Variants in LRRC4C observed in about 807,000 individuals in gnomAD.
LRRC4C encodes the protein leucine-rich repeat-containing protein 4C.
A neutral mutation model predicts 33.6 loss-of-function variants in LRRC4C; 5 were observed. The ratio of observed to expected loss-of-function variants is 0.15; its 90% CI spans 0.08 to 0.31. LRRC4C has a LOEUF of 0.31. LRRC4C is among the 10% of genes least tolerant of loss of function. LRRC4C has a pLI of 1.00. For synonymous variants in LRRC4C, 329 were observed against 302.0 expected, an observed-to-expected ratio of 1.09 and a Z score of -0.93; for missense variants, 560 against 796.7, an observed-to-expected ratio of 0.70 and a Z score of 3.58.
chr11:40,462,549 A>T (rs1952450346), intron 3 of LRRC4C, among the ~76,000 whole-genome samples: 2 of 152,146 alleles, frequency 1.3e-5, no homozygotes, highest in Non-Finnish European at 2.9e-5. Flanking sequence ...ACCTATTGAG[A>T]TAAGAAGACA....
chr11:40,582,345 T>C (rs941716260), intron 3 of LRRC4C, among the ~76,000 whole-genome samples: 4 of 152,066 alleles, frequency 2.6e-5, no homozygotes, highest in African/African-American at 9.7e-5. Context: ...CTAAACAATA[T>C]TTTTTTCTAT....
intron 2 of LRRC4C, among the ~76,000 whole-genome samples, chr11:40,711,135 C>T (rs1170362357): frequency 6.6e-6 from 1 of 152,210 alleles, no homozygotes; most frequent in East Asian, 1.9e-4. Flanking sequence ...AATCCCCCGA[C>T]CCCTTTCGCT....
At chr11:40,688,468 T>G (rs560154598) in intron 2 of LRRC4C, among the ~76,000 whole-genome samples, 3 of 152,256 alleles carry the variant, frequency 2.0e-5, no homozygotes, top group African/African-American at 7.2e-5. Context: ...CCAAAAATAT[T>G]TACTGAATTA....
At chr11:41,337,881 T>G (rs1951506281) in intron 1 of LRRC4C, among the ~76,000 whole-genome samples, 1 of 152,008 alleles carries the variant, frequency 6.6e-6, no homozygotes, top group African/African-American at 2.4e-5. Flanking sequence ...GCAAAGTATA[T>G]GAACAGACAC....
intron 3 of LRRC4C, among the ~76,000 whole-genome samples, chr11:40,575,401 AAG>A (rs1958151971): frequency 1.3e-5 from 2 of 152,166 alleles, no homozygotes; most frequent in Admixed American, 1.3e-4. Flanking sequence ...GAAAAAAAAA[AAG>A]CTTTCCTGAG....
At chr11:40,269,369 T>A (rs79963970) in intron 4 of LRRC4C, among the ~76,000 whole-genome samples, 19,938 of 152,154 alleles carry the variant, frequency 0.13, 2,308 homozygotes, top group African/African-American at 0.31. Context: ...TTTAATGATA[T>A]CAGAATGAAG....
At chr11:40,891,264 AAACAACAAC>A (rs749151549) in intron 2 of LRRC4C, among the ~76,000 whole-genome samples, 26 of 152,050 alleles carry the variant, frequency 1.7e-4, no homozygotes, top group Non-Finnish European at 3.1e-4. Context: ...AAACAAAATC[AAACAACAAC>A]AACAACAACG....
Position 40,426,863 on chromosome 11 carries a change from C to A in LRRC4C, c.-269-107142G>T, listed in dbSNP as rs556042451. Among the ~76,000 whole-genome samples, 49 of 152,308 alleles carry A rather than the reference C, an allele frequency of 3.2e-4. 1 individual carries two copies. The South Asian group carries it at 9.9e-3, about 31-fold the overall frequency. On this transcript the variant is annotated intron_variant, in intron 3 of 6. Transcript: ENST00000528697. ...TGAAAGACCTTCTTTCCGTTTCCGACCTGTACTGACTCAAATCTCACTCCA... is the reference window on the plus strand; with the variant it reads ...TGAAAGACCTTCTTTCCGTTTCCGAACTGTACTGACTCAAATCTCACTCCA...
At chr11:41,024,692 T>C (rs1856219938) in intron 1 of LRRC4C, among the ~76,000 whole-genome samples, 1 of 151,698 alleles carries the variant, frequency 6.6e-6, no homozygotes, top group African/African-American at 2.4e-5. Flanking sequence ...TTATGTTTCA[T>C]TTCAGTAAAC....
intron 4 of LRRC4C, among the ~76,000 whole-genome samples, chr11:40,264,253 G>A (rs909704097): frequency 2.0e-5 from 3 of 152,128 alleles, no homozygotes; most frequent in South Asian, 4.1e-4. Flanking sequence ...TACCTCCAGT[G>A]CACACAAACA....
intron 1 of LRRC4C, 36 bp from the exon 2 acceptor site, chr11:40,933,759 T>C (rs1957740355): frequency 6.6e-6 from 1 of 152,166 alleles, no homozygotes; most frequent in Non-Finnish European, 1.5e-5. Context: ...TGGCATTACA[T>C]TTAAGAAAGT....
intron 1 of LRRC4C, among the ~76,000 whole-genome samples, chr11:41,307,709 G>A (rs900370816): frequency 7.2e-5 from 11 of 152,112 alleles, no homozygotes; most frequent in African/African-American, 2.2e-4. Flanking sequence ...CTTTTCCCAC[G>A]TGCATCTTAA....
At chr11:40,824,164 G>A (rs371174785) in intron 2 of LRRC4C, among the ~76,000 whole-genome samples, 1 of 151,748 alleles carries the variant, frequency 6.6e-6, no homozygotes, top group African/African-American at 2.4e-5. Flanking sequence ...ATCTGCAAAA[G>A]GGATGAGGGA....
At chr11:41,178,975 A>G (rs1945327454) in intron 1 of LRRC4C, among the ~76,000 whole-genome samples, 1 of 152,170 alleles carries the variant, frequency 6.6e-6, no homozygotes, top group African/African-American at 2.4e-5. Context: ...TGCTGGGATT[A>G]CAAGCCTGAG....
chr11:40,788,213 G>T (rs907205705), intron 2 of LRRC4C, among the ~76,000 whole-genome samples: 1 of 152,062 alleles, frequency 6.6e-6, no homozygotes, highest in African/African-American at 2.4e-5. Flanking sequence ...CTTCCCCATG[G>T]TCATTCTCAG....
rs202169756 is a variant in LRRC4C at position 41,325,577 on chromosome 11, T to TTTTTGTG, written c.-496+133853_-496+133854insCACAAAA. ...TTATTGTCCTTATAGTTTTTTTTTT[T>TTTTTGTG]TGTGTGTGTGTGTGTGTGTGTGTGT... is the stretch of plus-strand genomic sequence containing the variant. On this transcript the variant is annotated intron_variant, in intron 1 of 6. Transcript: ENST00000528697. Among the ~76,000 whole-genome samples the TTTTTGTG allele has an allele frequency of 5.8e-3, 600 of 104,016 alleles. 17 individuals carry two copies. Among genetic ancestry groups the TTTTTGTG allele is most frequent in the Admixed American group, 0.054 (512 of 9,542 alleles). The allele number at this position is 104,016 out of a possible 152,430, so 68.2% of individuals were successfully genotyped here. A position where few individuals can be genotyped will look rare whatever the true frequency, so the allele number is the denominator to read the frequency against.
At chr11:40,927,738 T>C (rs1284411379) in intron 2 of LRRC4C, among the ~76,000 whole-genome samples, 2 of 151,934 alleles carry the variant, frequency 1.3e-5, no homozygotes, top group South Asian at 2.1e-4. Flanking sequence ...GATTAAAATA[T>C]AATTTCTATT....
chr11:40,596,954 C>T (rs190441436), intron 3 of LRRC4C, among the ~76,000 whole-genome samples: 7 of 151,980 alleles, frequency 4.6e-5, no homozygotes, highest in Admixed American at 1.3e-4. Flanking sequence ...AAAGATAGTC[C>T]GTATTCTTAA....
At chr11:40,356,469 G>A (rs1947675712) in intron 3 of LRRC4C, among the ~76,000 whole-genome samples, 1 of 152,090 alleles carries the variant, frequency 6.6e-6, no homozygotes, top group Non-Finnish European at 1.5e-5. Flanking sequence ...CTATTTCAAG[G>A]TAGGTTAGAG....
Sources: gnomAD v4.1 joint callset for allele counts (sites outside exome capture counted in the v4.1 genomes callset) on GRCh38, gnomAD v4.1.1 for gene constraint, MANE v1.5 for transcripts, NCBI Gene and HGNC (gene_info 2026-07-23, HGNC 2026-07-21) for gene names.